ZNF491: variants seen among roughly 807,000 people sequenced by gnomAD.
ZNF491 encodes the protein zinc finger protein 491.
A neutral mutation model predicts 34.7 loss-of-function variants in ZNF491; 22 were observed. The observed-to-expected ratio is 0.63, with a 90% confidence interval of 0.45 to 0.90. ZNF491 has a LOEUF of 0.90. ZNF491 is among the 40% of genes least tolerant of loss of function. ZNF491 has a pLI of 0.00. For synonymous variants in ZNF491, 148 were observed against 174.3 expected (o/e 0.85, Z 1.19); for missense variants, 559 against 531.7 (o/e 1.05, Z -0.51).
chr19:11,806,721 A>C lies in ZNF491; in HGVS notation c.768A>C (p.Ile256=). The stretch of plus-strand genomic sequence containing the variant: ...ATGGGAAAGCATTATCTCGCCTTAT[A>C]AGCTTTCGAAGACACATGAGAATGC... The part of the protein sequence containing the change: ...KLYGKALSRL[I]SFRRHMRMHT... The change falls in exon 3 of 3, where the codon ATA becomes ATC. Residue 256 remains isoleucine (I), a synonymous_variant. Coordinates refer to ENST00000323169, the MANE Select transcript of ZNF491 (RefSeq NM_152356.4). The C allele has an allele frequency of 6.2e-7, 1 of 1,613,820 alleles. No homozygotes were observed. The highest frequency in any genetic ancestry group is 1.1e-5 in the South Asian group (1 of 91,036).
At position 11,806,058 on chromosome 19, in the gene ZNF491, A is replaced by G; in HGVS notation, c.105A>G (p.Lys35=). The G allele has an allele frequency of 6.2e-7, 1 of 1,613,984 alleles. No individual in the cohort carries two copies. The highest frequency in any genetic ancestry group is 1.3e-5 in the African/African-American group (1 of 75,042). ...ACAAGAAAACTCTTCCTGGAGTAAA[A>G]TCATGTGAAAGTGGTACATGTGGAG... The part of the protein sequence containing the change: ...MLNKKTLPGV[K]SCESGTCGEI... The change falls in exon 3 of 3, where the codon AAA becomes AAG. Residue 35 remains lysine (K), a synonymous_variant. Coordinates refer to ENST00000323169, the MANE Select transcript of ZNF491 (RefSeq NM_152356.4).
chr19:11,801,187 T>A (rs527885849), intron 1 of ZNF491, among the ~76,000 whole-genome samples: 39 of 152,092 alleles, frequency 2.6e-4, no homozygotes, highest in Non-Finnish European at 3.8e-4. Flanking sequence ...AATAAATAAA[T>A]AAAATTTTAA....
At chr19:11,801,561 A>C (rs1568232333) in intron 1 of ZNF491, among the ~76,000 whole-genome samples, 1 of 152,236 alleles carries the variant, frequency 6.6e-6, no homozygotes, top group Non-Finnish European at 1.5e-5. Flanking sequence ...AGGCTGAGGC[A>C]GGAGAATTGC....
At chr19:11,805,409 CA>C (rs971587205) in intron 2 of ZNF491, among the ~76,000 whole-genome samples, 1,831 of 48,984 alleles carry the variant, frequency 0.037, 11 homozygotes, top group Non-Finnish European at 0.046. Context: ...AACTCCGTCT[CA>C]AAAAAAAAAA....
In ZNF491 at chr19:11,807,240, T is replaced by C. The variant is rs1975629199; in HGVS notation, c.1287T>C (p.His429=). 6.4e-7 allele frequency: 1 copy of C among 1,557,488 alleles called. No individual in the cohort carries two copies. Among genetic ancestry groups the C allele is most frequent in the South Asian group, 1.2e-5 (1 of 80,840 alleles). Residue 429 remains histidine (H), a synonymous_variant, in exon 3 of 3, where the codon CAT becomes CAC. Transcript: ENST00000323169. ...TTCGTTCCAGTTACTGTCGAAAACA[T>C]GAAAGAACTCACACTATTAATATAT... ...AFIRSSYCRK[H]ERTHTINI
rs768757224 is a variant in ZNF491 at position 11,808,381 on chromosome 19, CAA to C, written c.*1128_*1129del. On this transcript the variant is annotated 3_prime_UTR_variant, in exon 3 of 3. Transcript: ENST00000323169. ...TGGACAAGAGAGCAATACTCTGTCTCAAAAAAAAAAAAAAAGGTTTATTCACT... is the reference window on the plus strand; with the variant it reads ...TGGACAAGAGAGCAATACTCTGTCTCAAAAAAAAAAAAAGGTTTATTCACT... Among the ~76,000 whole-genome samples, 760 of 101,246 alleles carry C rather than the reference CAA, an allele frequency of 7.5e-3. 8 individuals are homozygous for C. Among genetic ancestry groups the C allele is most frequent in the African/African-American group, 0.025 (676 of 26,976 alleles). 66.4% of individuals were successfully genotyped at this position (101,246 alleles called of 152,430 possible).
rs368791247 is a variant in ZNF491 at position 11,808,149 on chromosome 19, C to T, written c.*882C>T. 82 of 160,342 alleles carry T rather than the reference C, an allele frequency of 5.1e-4. No homozygotes were observed. The highest frequency in any genetic ancestry group is 1.6e-3 in the African/African-American group (66 of 41,514). 9.9% of individuals were successfully genotyped at this position (160,342 alleles called of 1,614,324 possible). ...CTGTAACCCCAGCACTTTGGGAGGC[C>T]GAGGTGGGCGGATCACGAGGTCAGG... On this transcript the variant is annotated 3_prime_UTR_variant, in exon 3 of 3. Coordinates refer to ENST00000323169, the MANE Select transcript of ZNF491 (RefSeq NM_152356.4).
At position 11,801,039 on chromosome 19, in the gene ZNF491, A is replaced by G. The variant is rs1165609746; in HGVS notation, c.-134+2312A>G. On this transcript the variant is annotated intron_variant, in intron 1 of 2. Transcript: ENST00000323169. ...GGAGACAGGGTGAAAATTTTCCTCAAAAAAACAAAAACTTTAGGGCTTGGC... is the reference window on the plus strand; with the variant it reads ...GGAGACAGGGTGAAAATTTTCCTCAGAAAAACAAAAACTTTAGGGCTTGGC... 2.6e-5 allele frequency among the ~76,000 whole-genome samples: 4 copies of G among 151,530 alleles called. No individual in the cohort carries two copies. In the East Asian group the frequency reaches 7.8e-4, roughly 30 times the overall value.
At chr19:11,805,139 GT>G (rs1462580499) in intron 2 of ZNF491, among the ~76,000 whole-genome samples, 8 of 152,200 alleles carry the variant, frequency 5.3e-5, no homozygotes, top group African/African-American at 1.9e-4. Context: ...GCTGGCCGTG[GT>G]GGCTCACGCC....
chr19:11,800,500 T>C (rs1975546681), intron 1 of ZNF491, among the ~76,000 whole-genome samples: 1 of 150,260 alleles, frequency 6.7e-6, no homozygotes, highest in Admixed American at 6.7e-5. Context: ...TCAACACCTC[T>C]GAAAATAAGG....
chr19:11,804,420 G>A, intron 1 of ZNF491, 122 bp from the exon 2 acceptor site: 1 of 1,288,662 alleles, frequency 7.8e-7, no homozygotes, highest in Non-Finnish European at 1.0e-6. Flanking sequence ...GAGGTCTGAT[G>A]ACAGAGGCAG....
chr19:11,803,186 T>A, intron 1 of ZNF491, among the ~76,000 whole-genome samples: 1 of 152,112 alleles, frequency 6.6e-6, no homozygotes, highest in Non-Finnish European at 1.5e-5. Context: ...TTTTGCCACA[T>A]TGGCCAGCCT....
intron 1 of ZNF491, among the ~76,000 whole-genome samples, chr19:11,804,211 A>G (rs1192750301): frequency 6.7e-6 from 1 of 149,764 alleles, no homozygotes; most frequent in Non-Finnish European, 1.5e-5. Flanking sequence ...TCAGACAAAA[A>G]AAAAAAAAAA....
In ZNF491 at chr19:11,808,295, T is replaced by A. The variant is rs1213093791; in HGVS notation, c.*1028T>A. Reference sequence around the variant, plus strand: ...TACTCGGGAGGCTGAGGCAGGAGAATCTCCTGAACCTGGGAGGTGGAGGTT... The same window carrying A: ...TACTCGGGAGGCTGAGGCAGGAGAAACTCCTGAACCTGGGAGGTGGAGGTT... On this transcript the variant is annotated 3_prime_UTR_variant, in exon 3 of 3. Transcript: ENST00000323169. Among the ~76,000 whole-genome samples, 3 of 150,612 alleles carry A rather than the reference T, an allele frequency of 2.0e-5. No homozygotes were observed. The highest frequency in any genetic ancestry group is 7.3e-5 in the African/African-American group (3 of 40,850).
At chr19:11,799,577 A>C (rs1457755165) in intron 1 of ZNF491, among the ~76,000 whole-genome samples, 1 of 143,838 alleles carries the variant, frequency 7.0e-6, no homozygotes, top group Non-Finnish European at 1.5e-5. Context: ...ATTCCAGCGT[A>C]AGGCAAGGTG....
Position 11,806,993 on chromosome 19 carries a change from G to A in ZNF491, c.1040G>A (p.Arg347Lys). 6.2e-7 allele frequency: 1 copy of A among 1,612,852 alleles called. No homozygotes were observed. Among genetic ancestry groups the A allele is most frequent in the Non-Finnish European group, 8.5e-7 (1 of 1,179,472 alleles). The stretch of plus-strand genomic sequence containing the variant: ...GCCAAGTACATTCGAATACATGGAA[G>A]GACTCACACTGGTGAGAAACCCTAT... ...RSAKYIRIHGRTHTGEKPYEC... is the reference protein window; with the variant it reads ...RSAKYIRIHGKTHTGEKPYEC... The change falls in exon 3 of 3, where the codon AGG becomes AAG. Residue 347 changes from arginine to lysine, a missense_variant. Coordinates refer to ENST00000323169, the MANE Select transcript of ZNF491 (RefSeq NM_152356.4).
intron 1 of ZNF491, among the ~76,000 whole-genome samples, chr19:11,803,787 A>G (rs1049549113): frequency 2.6e-5 from 4 of 152,152 alleles, no homozygotes; most frequent in African/African-American, 4.8e-5. Context: ...AGGTTTCTCC[A>G]CTTTAAAGTT....
chr19:11,800,735 A>T (rs114162818), intron 1 of ZNF491, among the ~76,000 whole-genome samples: 1 of 151,994 alleles, frequency 6.6e-6, no homozygotes, highest in Non-Finnish European at 1.5e-5. Context: ...TTTTTTAAAA[A>T]TTTTAGTCCA....
Position 11,806,663 on chromosome 19 carries a change from A to G in ZNF491, c.710A>G (p.His237Arg). ...TCTTTTCACAGGCATGAAAGGACTC[A>G]CACAGGAGAAAAACCCTATGAATGT... ...PSSFHRHERT[H>R]TGEKPYECKL... Residue 237 changes from histidine (H) to arginine (R), a missense_variant, in exon 3 of 3, where the codon CAC becomes CGC. Physicochemically the swap from His to Arg is conservative, Grantham distance 29. Transcript: ENST00000323169. 6.2e-7 allele frequency: 1 copy of G among 1,613,490 alleles called. No individual in the cohort carries two copies. The highest frequency in any genetic ancestry group is 8.5e-7 in the Non-Finnish European group (1 of 1,179,770).
Sources: allele counts gnomAD v4.1 joint callset (sites outside exome capture counted in the v4.1 genomes callset), GRCh38; gene constraint gnomAD v4.1.1; transcripts MANE v1.5; gene names NCBI Gene and HGNC (gene_info 2026-07-23, HGNC 2026-07-21).